The following TDRD3 variants were observed in gnomAD, a reference collection of about 807,000 sequenced individuals.
TDRD3 encodes the protein tudor domain-containing protein 3.
TDRD3 carries 45 observed loss-of-function variants against 86.7 expected under a neutral mutation model. That is an observed-to-expected ratio of 0.52 (90% CI 0.41 to 0.67). TDRD3 has a LOEUF of 0.67. Among genes scored for constraint, TDRD3 ranks in the 30% least tolerant of loss-of-function variants. The pLI, the probability that TDRD3 is intolerant of heterozygous loss-of-function variation, is 0.00. For synonymous variants in TDRD3, 298 were observed against 301.7 expected (o/e 0.99, Z 0.13); for missense variants, 814 against 889.0 (o/e 0.92, Z 1.07).
In TDRD3 at chr13:60,528,733, T is replaced by G; in HGVS notation, c.1508T>G (p.Met503Arg). The G allele has an allele frequency of 6.2e-7, 1 of 1,613,114 alleles. No homozygotes were observed. The highest frequency in any genetic ancestry group is 1.7e-4 in the Middle Eastern group (1 of 6,052). ...DGAFKKRDNSMQSRSGKGPSF... is the reference protein window; with the variant it reads ...DGAFKKRDNSRQSRSGKGPSF... ...GCTTTTAAAAAAAGAGATAACTCTA[T>G]GCAAAGCAGATCAGGAAAAGGTCCC... Residue 503 changes from methionine to arginine, a missense_variant, in exon 11 of 14, where the codon ATG (methionine) becomes AGG (arginine). Physicochemically the swap from Met to Arg is moderately conservative, Grantham distance 91. Coordinates refer to ENST00000377881, the MANE Select transcript of TDRD3 (RefSeq NM_001146070.2).
chr13:60,402,105 A>G (rs1407847677), intron 1 of TDRD3, among the ~76,000 whole-genome samples: 1 of 152,234 alleles, frequency 6.6e-6, no homozygotes, highest in Non-Finnish European at 1.5e-5. Flanking sequence ...TGACCTGTCC[A>G]CAGATGAAGG....
chr13:60,419,095 C>G (rs9538687), intron 1 of TDRD3, among the ~76,000 whole-genome samples: 30,187 of 152,094 alleles, frequency 0.2, 3,629 homozygotes, highest in South Asian at 0.29. Flanking sequence ...CCATAGGGCA[C>G]ATTTTTGTTT....
rs557980291 is a variant in TDRD3 at position 60,429,492 on chromosome 13, C to T, written c.42-10196C>T. Among the ~76,000 whole-genome samples the T allele has an allele frequency of 2.3e-4, 35 of 152,134 alleles. No homozygotes were observed. The South Asian group carries it at 7.3e-3, about 32-fold the overall frequency. On this transcript the variant is annotated intron_variant, in intron 1 of 13. Coordinates refer to ENST00000377881, the MANE Select transcript of TDRD3 (RefSeq NM_001146070.2). ...TTGACATTATTGTTTTAAATTTTGA[C>T]ATAAATGGCAGGTTGAACAAAAACA...
At chr13:60,557,299 G>T (rs908387003) in intron 12 of TDRD3, among the ~76,000 whole-genome samples, 1 of 151,506 alleles carries the variant, frequency 6.6e-6, no homozygotes, top group African/African-American at 2.4e-5. Flanking sequence ...GCCTGAGAAA[G>T]CCAGAGAGCT....
intron 10 of TDRD3, among the ~76,000 whole-genome samples, chr13:60,526,050 A>G (rs1297495830): frequency 6.6e-6 from 1 of 152,180 alleles, no homozygotes; most frequent in Admixed American, 6.5e-5. Flanking sequence ...TTCTGTATGC[A>G]TCGTTATTCA....
At chr13:60,488,587 TA>T (rs1566236229) in intron 7 of TDRD3, among the ~76,000 whole-genome samples, 1 of 152,104 alleles carries the variant, frequency 6.6e-6, no homozygotes, top group East Asian at 1.9e-4. Flanking sequence ...TGTTTTTTTT[TA>T]TTTTTGACAG....
chr13:60,436,342 G>A (rs1234272297), intron 1 of TDRD3, among the ~76,000 whole-genome samples: 1 of 151,782 alleles, frequency 6.6e-6, no homozygotes, highest in Admixed American at 6.6e-5. Context: ...GCCAATGTCC[G>A]AAGAGTTTTC....
intron 4 of TDRD3, 107 bp downstream of exon 4, chr13:60,460,647 T>TTA (rs1955782718): frequency 2.0e-6 from 2 of 1,005,618 alleles, no homozygotes; most frequent in African/African-American, 3.4e-5. Flanking sequence ...TAATTGTGTG[T>TTA]TACAGTTTTT....
intron 12 of TDRD3, among the ~76,000 whole-genome samples, chr13:60,540,928 C>T (rs557782036): frequency 2.8e-4 from 42 of 152,080 alleles, no homozygotes; most frequent in African/African-American, 9.2e-4. Flanking sequence ...TAACACATGC[C>T]GTCACTCTTT....
At chr13:60,462,081 T>C (rs1955815475) in intron 4 of TDRD3, among the ~76,000 whole-genome samples, 1 of 152,240 alleles carries the variant, frequency 6.6e-6, no homozygotes, top group South Asian at 2.1e-4. Flanking sequence ...AAAATGTTGA[T>C]TTCTATATAC....
chr13:60,468,655 A>G (rs764460840), intron 5 of TDRD3, among the ~76,000 whole-genome samples: 2 of 152,130 alleles, frequency 1.3e-5, no homozygotes, highest in Non-Finnish European at 2.9e-5. Flanking sequence ...AAGGGCTGTT[A>G]AATAACTTAC....
In TDRD3 at chr13:60,556,934, G is replaced by T. The variant is rs372105652; in HGVS notation, c.2119-10591G>T. 2.0e-5 allele frequency among the ~76,000 whole-genome samples: 3 copies of T among 152,236 alleles called. No individual in the cohort carries two copies. In the East Asian group the frequency reaches 5.8e-4, roughly 29 times the overall value. On this transcript the variant is annotated intron_variant, in intron 12 of 13. Coordinates refer to ENST00000377881, the MANE Select transcript of TDRD3 (RefSeq NM_001146070.2). The stretch of plus-strand genomic sequence containing the variant: ...ATAGAAGTTCCAGAGGCCGGGTGCA[G>T]TGGCTGACGCCTGTAATCCCAACAC...
At chr13:60,418,749 C>T (rs1237809032) in intron 1 of TDRD3, among the ~76,000 whole-genome samples, 1 of 152,150 alleles carries the variant, frequency 6.6e-6, no homozygotes, top group Non-Finnish European at 1.5e-5. Context: ...TCCTTCTGTG[C>T]CCACAGATAG....
chr13:60,540,713 C>A (rs1305647045), intron 12 of TDRD3, among the ~76,000 whole-genome samples: 1 of 152,008 alleles, frequency 6.6e-6, no homozygotes, highest in Non-Finnish European at 1.5e-5. Context: ...ATAATCTGTA[C>A]AAAGTATTGT....
chr13:60,403,457 T>C (rs6562107), intron 1 of TDRD3, among the ~76,000 whole-genome samples: 35,053 of 152,122 alleles, frequency 0.23, 4,468 homozygotes, highest in Non-Finnish European at 0.28. Flanking sequence ...GTCTAGGATA[T>C]AGAAGTAGCC....
intron 6 of TDRD3, chr13:60,484,715 A>C: frequency 2.2e-6 from 1 of 455,462 alleles, no homozygotes; most frequent in South Asian, 1.6e-5. Flanking sequence ...AATAGCCAAG[A>C]TAAAAGAAAG....
intron 10 of TDRD3, among the ~76,000 whole-genome samples, chr13:60,517,922 T>C (rs942179326): frequency 6.6e-6 from 1 of 152,194 alleles, no homozygotes; most frequent in African/African-American, 2.4e-5. Flanking sequence ...AAAGTAACAG[T>C]CAGCAGCAGA....
chr13:60,417,828 T>C (rs1954562601), intron 1 of TDRD3, among the ~76,000 whole-genome samples: 2 of 152,150 alleles, frequency 1.3e-5, no homozygotes, highest in South Asian at 4.1e-4. Context: ...CTCTTTACAC[T>C]CTTGTTTTAG....
At chr13:60,397,607 G>T (rs1167486874) in intron 1 of TDRD3, among the ~76,000 whole-genome samples, 1 of 146,238 alleles carries the variant, frequency 6.8e-6, no homozygotes, top group East Asian at 2.0e-4. Flanking sequence ...TGGAGGCGGC[G>T]GCGGCGGCGG....
Sources: allele counts gnomAD v4.1 joint callset (sites outside exome capture counted in the v4.1 genomes callset), GRCh38; gene constraint gnomAD v4.1.1; transcripts MANE v1.5; gene names NCBI Gene and HGNC (gene_info 2026-07-23, HGNC 2026-07-21).